CWC27: variants seen among roughly 807,000 people sequenced by gnomAD.
The protein encoded by CWC27 is CWC27 spliceosome associated cyclophilin, also known as spliceosome-associated protein CWC27 homolog.
Under a neutral mutation model 63.6 loss-of-function variants are expected in CWC27, and 47 were observed. The ratio of observed to expected loss-of-function variants is 0.74; its 90% confidence interval spans 0.58 to 0.94. CWC27 has a LOEUF of 0.94. Ranked by LOEUF, CWC27 falls within the 40% of genes least tolerant of loss-of-function variation. The pLI is 0.00. For missense variants in CWC27, 495 were observed against 554.3 expected, an observed-to-expected ratio of 0.89 and a Z score of 1.07; for synonymous variants, 175 against 179.8, an observed-to-expected ratio of 0.97 and a Z score of 0.22.
chr5:64,907,865 T>A (rs986668919), intron 11 of CWC27, among the ~76,000 whole-genome samples: 72 of 152,186 alleles, frequency 4.7e-4, no homozygotes, highest in African/African-American at 1.7e-3. Context: ...TTTTGAAGGG[T>A]TTTTTGTGTC....
At chr5:64,782,447 C>CAAATAAATAAATAAATAAAT (rs67366377) in intron 3 of CWC27, among the ~76,000 whole-genome samples, 19,710 of 139,560 alleles carry the variant, frequency 0.14, 1,642 homozygotes, top group Middle Eastern at 0.24. Context: ...GACTCCGTCT[C>CAAATAAATAAATAAATAAAT]AAATAAATAA....
At chr5:64,826,413 A>G (rs1015158449) in intron 10 of CWC27, among the ~76,000 whole-genome samples, 2 of 152,166 alleles carry the variant, frequency 1.3e-5, no homozygotes, top group African/African-American at 4.8e-5. Context: ...TTGTCCCATC[A>G]TATAGTGAAT....
intron 10 of CWC27, among the ~76,000 whole-genome samples, chr5:64,805,259 T>G (rs1326842134): frequency 1.3e-5 from 2 of 151,776 alleles, no homozygotes; most frequent in Non-Finnish European, 2.9e-5. Context: ...AGCATAGCTT[T>G]TAACATTTAG....
intron 11 of CWC27, among the ~76,000 whole-genome samples, chr5:64,909,630 G>A (rs1045770013): frequency 3.3e-5 from 5 of 152,012 alleles, no homozygotes; most frequent in East Asian, 1.9e-4. Context: ...GGCTTTGTTC[G>A]TTTCTTTTTA....
intron 7 of CWC27, among the ~76,000 whole-genome samples, chr5:64,796,782 T>G (rs1744284901): frequency 3.1e-5 from 2 of 64,226 alleles, no homozygotes; most frequent in Admixed American, 2.7e-4. Context: ...CTTTTCCTTC[T>G]TCCTTCCTTC....
At chr5:64,926,366 A>G (rs1375807521) in intron 11 of CWC27, among the ~76,000 whole-genome samples, 1 of 151,060 alleles carries the variant, frequency 6.6e-6, no homozygotes, top group Non-Finnish European at 1.5e-5. Flanking sequence ...AGCCAAACAT[A>G]TAGCCAATTT....
At chr5:64,966,788 G>A (rs1749021546) in intron 11 of CWC27, among the ~76,000 whole-genome samples, 2 of 152,146 alleles carry the variant, frequency 1.3e-5, no homozygotes, top group South Asian at 4.1e-4. Context: ...AAATAAGATT[G>A]TCCATAAGTT....
At chr5:64,897,596 T>C (rs930674478) in intron 11 of CWC27, among the ~76,000 whole-genome samples, 3 of 151,748 alleles carry the variant, frequency 2.0e-5, no homozygotes, top group Non-Finnish European at 4.4e-5. Flanking sequence ...CGGTCAGAGA[T>C]GGGGGATAAG....
intron 11 of CWC27, among the ~76,000 whole-genome samples, chr5:64,915,781 A>G (rs1342752661): frequency 6.6e-6 from 1 of 152,120 alleles, no homozygotes; most frequent in Non-Finnish European, 1.5e-5. Flanking sequence ...CTTTACACGT[A>G]TTATTTACTT....
chr5:64,999,016 T>A (rs2112464337), intron 13 of CWC27, among the ~76,000 whole-genome samples: 1 of 152,158 alleles, frequency 6.6e-6, no homozygotes, highest in East Asian at 1.9e-4. Flanking sequence ...CTCAAAGTCA[T>A]CCCTGCTCTG....
chr5:64,975,477 A>G (rs1432255035), intron 12 of CWC27, among the ~76,000 whole-genome samples: 1 of 152,124 alleles, frequency 6.6e-6, no homozygotes, highest in Non-Finnish European at 1.5e-5. Context: ...ATTTTATCCC[A>G]TTTCATAATG....
At chr5:64,863,841 C>T (rs958062915) in intron 10 of CWC27, among the ~76,000 whole-genome samples, 2 of 152,134 alleles carry the variant, frequency 1.3e-5, no homozygotes, top group African/African-American at 2.4e-5. Context: ...TGAAGTAATA[C>T]TTTGATATCA....
At chr5:64,777,681 T>C (rs1743505150) in intron 2 of CWC27, among the ~76,000 whole-genome samples, 1 of 152,072 alleles carries the variant, frequency 6.6e-6, no homozygotes, top group Admixed American at 6.6e-5. Context: ...CAGGAGGATA[T>C]TATGAACGTG....
intron 10 of CWC27, among the ~76,000 whole-genome samples, chr5:64,845,294 A>G (rs951859767): frequency 6.6e-6 from 1 of 152,226 alleles, no homozygotes; most frequent in African/African-American, 2.4e-5. Flanking sequence ...TTTCTCCTCA[A>G]ATGCATAGAC....
Position 65,018,151 on chromosome 5 carries a change from C to G in CWC27, c.1257-8C>G. On this transcript the variant is annotated splice_region_variant and splice_polypyrimidine_tract_variant and intron_variant, in intron 13 of 13. Coordinates refer to ENST00000381070, the MANE Select transcript of CWC27 (RefSeq NM_005869.4). ...AGAAATCACTGAACCATCTCTCTCC[C>G]TATTTAGGATGTCACATGTACTTCA... 6.3e-7 allele frequency: 1 copy of G among 1,581,432 alleles called. No individual in the cohort carries two copies. Among genetic ancestry groups the G allele is most frequent in the Non-Finnish European group, 8.6e-7 (1 of 1,169,532 alleles).
rs1311763068 is a variant in CWC27 at position 64,971,827 on chromosome 5, C to CCAAAT, written c.1152+17_1152+21dup. ...GGGAAGATCAGGTAACTTCAAAAACCCAAATCCATACAGAACTTATTGTCT... is the reference window on the plus strand; with the variant it reads ...GGGAAGATCAGGTAACTTCAAAAACCCAAATCAAATCCATACAGAACTTATTGTCT... On this transcript the variant is annotated intron_variant, in intron 12 of 13. Transcript: ENST00000381070. The CCAAAT allele has an allele frequency of 1.3e-6, 2 of 1,525,494 alleles. No homozygotes were observed. Among genetic ancestry groups the CCAAAT allele is most frequent in the South Asian group, 2.3e-5 (2 of 85,966 alleles). 94.5% of individuals were successfully genotyped at this position (1,525,494 alleles called of 1,614,324 possible).
rs939744590 is a variant in CWC27 at position 64,771,694 on chromosome 5, A to G, written c.42+2506A>G. Among the ~76,000 whole-genome samples, 10 of 152,330 alleles carry G rather than the reference A, an allele frequency of 6.6e-5. No homozygotes were observed. The East Asian group carries it at 1.5e-3, about 24-fold the overall frequency. ...TGGCTTTATAAGTATATTTGCATAT[A>G]TGTTTATAAGAAACATGATATTATC... On this transcript the variant is annotated intron_variant, in intron 1 of 13. Coordinates refer to ENST00000381070, the MANE Select transcript of CWC27 (RefSeq NM_005869.4).
At chr5:64,901,382 C>T (rs1216611266) in intron 11 of CWC27, among the ~76,000 whole-genome samples, 2 of 150,278 alleles carry the variant, frequency 1.3e-5, no homozygotes, top group Admixed American at 6.7e-5. Context: ...GGCGTGAACC[C>T]GGGAGGTGGA....
chr5:64,923,230 C>T (rs968184767), intron 11 of CWC27, among the ~76,000 whole-genome samples: 2 of 152,032 alleles, frequency 1.3e-5, no homozygotes, highest in African/African-American at 4.8e-5. Flanking sequence ...TAGTCACTGG[C>T]GAAAGCACTC....
Sources: allele counts gnomAD v4.1 joint callset (sites outside exome capture counted in the v4.1 genomes callset), GRCh38; gene constraint gnomAD v4.1.1; transcripts MANE v1.5; gene names NCBI Gene and HGNC (gene_info 2026-07-23, HGNC 2026-07-21).